The following PARD3 variants were observed in gnomAD, a reference collection of about 807,000 sequenced individuals.
PARD3 encodes the protein par-3 family cell polarity regulator.
PARD3 carries 75 observed loss-of-function variants against 155.4 expected under a neutral mutation model. That is an observed-to-expected ratio of 0.48 (90% CI 0.40 to 0.58). The LOEUF is 0.58. PARD3 is among the 20% of genes least tolerant of loss of function. The probability of loss-of-function intolerance (pLI) is 0.00; values close to 1 mark genes in which losing one functional copy is unlikely to be tolerated. For synonymous variants in PARD3, 576 were observed against 610.5 expected (o/e 0.94, Z 0.83); for missense variants, 1,642 against 1,721.7 (o/e 0.95, Z 0.82).
chr10:34,607,760 A>C (rs2090582765), intron 2 of PARD3, among the ~76,000 whole-genome samples: 1 of 152,142 alleles, frequency 6.6e-6, no homozygotes, highest in South Asian at 2.1e-4. Context: ...GTTTAGGGCT[A>C]AGTCAACTCC....
chr10:34,117,238 C>T (rs189118328), intron 24 of PARD3, among the ~76,000 whole-genome samples: 10 of 152,322 alleles, frequency 6.6e-5, no homozygotes, highest in East Asian at 3.9e-4. Context: ...CTCTCAGGCA[C>T]GGCCAAAATA....
chr10:34,331,235 G>A lies in PARD3; in HGVS notation c.2715C>T (p.Phe905=). ...AEVTLNGDIP[F]HRPRPRIIRG... Reference sequence around the variant, plus strand: ...TGATTATCCGCGGCCGTGGACGATGGAAAGGAATATCCCCATTCAAAGTCA... The same window carrying A: ...TGATTATCCGCGGCCGTGGACGATGAAAAGGAATATCCCCATTCAAAGTCA... Residue 905 remains phenylalanine (F), a synonymous_variant, in exon 19 of 25, where the codon TTC becomes TTT. Coordinates refer to ENST00000374788, the MANE Select transcript of PARD3 (RefSeq NM_001184785.2). 1 of 1,614,008 alleles carries A rather than the reference G, an allele frequency of 6.2e-7. No homozygotes were observed. The highest frequency in any genetic ancestry group is 8.5e-7 in the Non-Finnish European group (1 of 1,179,946).
intron 23 of PARD3, among the ~76,000 whole-genome samples, chr10:34,130,585 C>A (rs1010419232): frequency 1.3e-5 from 2 of 152,140 alleles, no homozygotes; most frequent in East Asian, 3.9e-4. Context: ...CTCAAAAAAT[C>A]TGTCCCAACC....
intron 2 of PARD3, among the ~76,000 whole-genome samples, chr10:34,530,339 T>C (rs917094110): frequency 6.6e-6 from 1 of 152,206 alleles, no homozygotes. Context: ...GTCCATATTA[T>C]AAAAGAAGTC....
chr10:34,170,374 C>A (rs950087968), intron 22 of PARD3, among the ~76,000 whole-genome samples: 7 of 152,196 alleles, frequency 4.6e-5, no homozygotes, highest in Non-Finnish European at 8.8e-5. Flanking sequence ...GTGTGGCCCA[C>A]CATGCCTGGC....
At chr10:34,605,901 CTA>C (rs1218336173) in intron 2 of PARD3, among the ~76,000 whole-genome samples, 1 of 72,962 alleles carries the variant, frequency 1.4e-5, no homozygotes, top group African/African-American at 6.3e-5. Context: ...TATATATCTC[CTA>C]TATATATATC....
chr10:34,227,856 T>TTATATATATATATATA (rs55681930), intron 22 of PARD3, among the ~76,000 whole-genome samples: 1,422 of 81,978 alleles, frequency 0.017, 53 homozygotes, highest in Non-Finnish European at 0.022. Flanking sequence ...GAATTATTTT[T>TTATATATATATATATA]TATATATATA....
chr10:34,757,525 A>G (rs1462114590), intron 1 of PARD3, among the ~76,000 whole-genome samples: 1 of 152,140 alleles, frequency 6.6e-6, no homozygotes, highest in Non-Finnish European at 1.5e-5. Flanking sequence ...GCCAACCAAC[A>G]TGGCAAAACC....
chr10:34,237,152 C>T (rs1416999450), intron 22 of PARD3, among the ~76,000 whole-genome samples: 1 of 152,084 alleles, frequency 6.6e-6, no homozygotes, highest in Non-Finnish European at 1.5e-5. Flanking sequence ...AGGCTTGCTT[C>T]CTGAGGGTTT....
intron 1 of PARD3, among the ~76,000 whole-genome samples, chr10:34,781,087 G>C (rs553748579): frequency 1.2e-4 from 18 of 152,320 alleles, no homozygotes; most frequent in African/African-American, 4.3e-4. Flanking sequence ...TCCAAAAAAA[G>C]CTCTGTGCCT....
At chr10:34,533,255 T>C (rs1038612995) in intron 2 of PARD3, among the ~76,000 whole-genome samples, 10 of 152,032 alleles carry the variant, frequency 6.6e-5, no homozygotes, top group East Asian at 1.9e-4. Flanking sequence ...ATGGGAACAA[T>C]AGACACTGAA....
chr10:34,802,602 C>G (rs939745337), intron 1 of PARD3, among the ~76,000 whole-genome samples: 5 of 152,102 alleles, frequency 3.3e-5, no homozygotes, highest in Non-Finnish European at 7.4e-5. Context: ...CCTGGAAAAG[C>G]TCTTCCATTA....
At chr10:34,713,395 T>C (rs995082567) in intron 1 of PARD3, among the ~76,000 whole-genome samples, 1 of 152,114 alleles carries the variant, frequency 6.6e-6, no homozygotes, top group Non-Finnish European at 1.5e-5. Context: ...CCACTTTGCC[T>C]ATCACAGATA....
chr10:34,682,750 T>C (rs2093868453), intron 2 of PARD3, among the ~76,000 whole-genome samples: 1 of 152,054 alleles, frequency 6.6e-6, no homozygotes, highest in African/African-American at 2.4e-5. Context: ...AAGCCAGGCA[T>C]GGTGATGCAC....
At chr10:34,238,906 T>G (rs1424703802) in intron 22 of PARD3, among the ~76,000 whole-genome samples, 1 of 152,356 alleles carries the variant, frequency 6.6e-6, no homozygotes, top group Non-Finnish European at 1.5e-5. Context: ...TGGTTTTAAA[T>G]ATACATAACT....
chr10:34,609,654 C>T (rs913248027), intron 2 of PARD3, among the ~76,000 whole-genome samples: 12 of 152,148 alleles, frequency 7.9e-5, no homozygotes, highest in African/African-American at 2.4e-4. Flanking sequence ...GTGATCCTCC[C>T]GTCTCAGCCT....
chr10:34,458,262 G>A (rs1244528496), intron 4 of PARD3, among the ~76,000 whole-genome samples: 2 of 152,112 alleles, frequency 1.3e-5, no homozygotes, highest in East Asian at 3.9e-4. Flanking sequence ...GAGTGCAGAA[G>A]CACAATCATA....
At chr10:34,395,167 T>C (rs1038527750) in intron 7 of PARD3, among the ~76,000 whole-genome samples, 1 of 152,114 alleles carries the variant, frequency 6.6e-6, no homozygotes, top group Non-Finnish European at 1.5e-5. Flanking sequence ...CCCATGTAGC[T>C]GGGATTACAG....
At chr10:34,232,372 C>T (rs970173688) in intron 22 of PARD3, among the ~76,000 whole-genome samples, 3 of 152,100 alleles carry the variant, frequency 2.0e-5, no homozygotes, top group African/African-American at 4.8e-5. Context: ...TGCTCTGCAG[C>T]GTCACAGCAC....
Sources: gnomAD v4.1 joint callset for allele counts (sites outside exome capture counted in the v4.1 genomes callset) on GRCh38, gnomAD v4.1.1 for gene constraint, MANE v1.5 for transcripts, NCBI Gene and HGNC (gene_info 2026-07-23, HGNC 2026-07-21) for gene names.